ARHGAP26: variants seen among roughly 807,000 people sequenced by gnomAD.
ARHGAP26 encodes Rho GTPase activating protein 26.
ARHGAP26 carries 38 observed loss-of-function variants against 104.8 expected under a neutral mutation model. The ratio of observed to expected loss-of-function variants is 0.36; its 90% CI spans 0.28 to 0.48. The LOEUF (loss-of-function observed/expected upper bound fraction) is 0.48, where lower values mean the gene tolerates loss of function less well. Among genes scored for constraint, ARHGAP26 ranks in the 20% least tolerant of loss-of-function variants. The probability of loss-of-function intolerance (pLI) is 0.99; values close to 1 mark genes in which losing one functional copy is unlikely to be tolerated. For missense variants in ARHGAP26, 704 were observed against 947.9 expected (o/e 0.74, Z 3.38); for synonymous variants, 341 against 340.0 (o/e 1.00, Z -0.03).
At chr5:143,141,533 G>C (rs1364625521) in intron 19 of ARHGAP26, among the ~76,000 whole-genome samples, 1 of 152,042 alleles carries the variant, frequency 6.6e-6, no homozygotes, top group Non-Finnish European at 1.5e-5. Flanking sequence ...ATATTCACTT[G>C]GTTTTAAGTT....
rs958391429 is a variant in ARHGAP26 at position 143,228,237 on chromosome 5, A to ATG, written c.*5801_*5802dup. ...CATCTGTTGATTCTAAAGTATATTT[A>ATG]TGTGTGTGTGTATGTGTGTGTATAC... On this transcript the variant is annotated 3_prime_UTR_variant, in exon 23 of 23. Coordinates refer to ENST00000645722, the MANE Select transcript of ARHGAP26 (RefSeq NM_001135608.3). 4 of 224,166 alleles carry ATG rather than the reference A, an allele frequency of 1.8e-5. No individual in the cohort carries two copies. Among genetic ancestry groups the ATG allele is most frequent in the Non-Finnish European group, 2.7e-5 (3 of 112,496 alleles). 13.9% of individuals were successfully genotyped at this position (224,166 alleles called of 1,614,324 possible).
intron 22 of ARHGAP26, among the ~76,000 whole-genome samples, chr5:143,218,049 G>A (rs1003927): frequency 0.29 from 43,996 of 152,030 alleles, 6,696 homozygotes; most frequent in South Asian, 0.41. Flanking sequence ...ACTATGACCT[G>A]CCAGTCAAAT....
intron 1 of ARHGAP26, among the ~76,000 whole-genome samples, chr5:142,774,934 G>A: frequency 6.6e-6 from 1 of 151,798 alleles, no homozygotes; most frequent in Middle Eastern, 3.2e-3. Flanking sequence ...TTTTATTGCT[G>A]AATAATATTC....
intron 1 of ARHGAP26, among the ~76,000 whole-genome samples, chr5:142,804,284 C>T (rs1023816116): frequency 6.6e-6 from 1 of 152,168 alleles, no homozygotes; most frequent in East Asian, 1.9e-4. Context: ...AAATAACTTG[C>T]TATTCCGTAA....
intron 17 of ARHGAP26, among the ~76,000 whole-genome samples, chr5:143,101,499 G>C (rs1212845711): frequency 6.6e-6 from 1 of 151,886 alleles, no homozygotes; most frequent in East Asian, 1.9e-4. Context: ...TAGCTCTTTG[G>C]GGGTGACTCC....
chr5:142,908,928 A>T (rs74853574), intron 9 of ARHGAP26: 1 of 166,944 alleles, frequency 6.0e-6, no homozygotes, highest in Non-Finnish European at 1.5e-5. Flanking sequence ...ATGCATTTCT[A>T]TGGAGGTGAC....
At chr5:143,159,879 G>A (rs183166791) in intron 20 of ARHGAP26, among the ~76,000 whole-genome samples, 1 of 151,986 alleles carries the variant, frequency 6.6e-6, no homozygotes, top group East Asian at 1.9e-4. Context: ...TGTGGCGGAA[G>A]GAACACTGCC....
At chr5:143,199,684 G>A (rs1807410229) in intron 20 of ARHGAP26, among the ~76,000 whole-genome samples, 1 of 152,198 alleles carries the variant, frequency 6.6e-6, no homozygotes, top group Non-Finnish European at 1.5e-5. Flanking sequence ...GGTGATCCGA[G>A]GCTCAGCCCA....
At chr5:142,933,208 T>C (rs1764962033) in intron 11 of ARHGAP26, among the ~76,000 whole-genome samples, 1 of 152,234 alleles carries the variant, frequency 6.6e-6, no homozygotes, top group Admixed American at 6.5e-5. Context: ...TCAAAGGCCT[T>C]TGAAAGAAGC....
chr5:142,923,948 G>GC (rs948247581), intron 10 of ARHGAP26, among the ~76,000 whole-genome samples: 2 of 134,252 alleles, frequency 1.5e-5, no homozygotes, highest in African/African-American at 5.6e-5. Flanking sequence ...TGCAAGCTCC[G>GC]CCCCCCGGGT....
chr5:143,101,468 A>G (rs1793219700), intron 17 of ARHGAP26, among the ~76,000 whole-genome samples: 1 of 152,034 alleles, frequency 6.6e-6, no homozygotes, highest in South Asian at 2.1e-4. Context: ...GGTTTTTATT[A>G]ACAAAAGGTG....
intron 10 of ARHGAP26, among the ~76,000 whole-genome samples, chr5:142,925,074 G>A (rs1207222342): frequency 7.5e-6 from 1 of 133,892 alleles, no homozygotes; most frequent in African/African-American, 3.3e-5. Flanking sequence ...TAGTGTTTGA[G>A]GCAACAGTTT....
chr5:143,068,953 C>G (rs187881616), intron 17 of ARHGAP26, among the ~76,000 whole-genome samples: 1 of 152,328 alleles, frequency 6.6e-6, no homozygotes, highest in African/African-American at 2.4e-5. Flanking sequence ...ACTCTCTCCT[C>G]CTTGATAAGC....
At chr5:142,867,025 C>T (rs924125075) in intron 1 of ARHGAP26, 1 of 152,202 alleles carries the variant, frequency 6.6e-6, no homozygotes, top group Admixed American at 6.5e-5. Context: ...GAAGCCAGGG[C>T]CCCTCTCTCA....
intron 12 of ARHGAP26, among the ~76,000 whole-genome samples, chr5:143,024,217 C>T (rs775573029): frequency 2.0e-5 from 3 of 152,120 alleles, no homozygotes; most frequent in Non-Finnish European, 4.4e-5. Flanking sequence ...TTTGATGAGA[C>T]CCTGGCCCCC....
At chr5:143,042,266 A>C (rs1301879639) in intron 14 of ARHGAP26, among the ~76,000 whole-genome samples, 1 of 152,174 alleles carries the variant, frequency 6.6e-6, no homozygotes, top group Non-Finnish European at 1.5e-5. Flanking sequence ...CCCAATGCCC[A>C]AGGAAAGGCA....
chr5:142,954,468 C>T (rs914542096), intron 11 of ARHGAP26, among the ~76,000 whole-genome samples: 3 of 152,234 alleles, frequency 2.0e-5, no homozygotes, highest in Admixed American at 1.3e-4. Context: ...AACCTCAACT[C>T]TTCTGGAGTC....
intron 11 of ARHGAP26, among the ~76,000 whole-genome samples, chr5:142,994,272 A>G (rs947192816): frequency 7.2e-5 from 11 of 152,260 alleles, no homozygotes; most frequent in African/African-American, 2.7e-4. Flanking sequence ...TTCCTTGGCA[A>G]GAAATATGGC....
At chr5:142,853,487 A>G (rs1477167835) in intron 1 of ARHGAP26, among the ~76,000 whole-genome samples, 1 of 152,178 alleles carries the variant, frequency 6.6e-6, no homozygotes, top group Admixed American at 6.5e-5. Flanking sequence ...CACTATGCCC[A>G]GCCTAGCTTA....
Sources: gnomAD v4.1 joint callset for allele counts (sites outside exome capture counted in the v4.1 genomes callset) on GRCh38, gnomAD v4.1.1 for gene constraint, MANE v1.5 for transcripts, NCBI Gene and HGNC (gene_info 2026-07-23, HGNC 2026-07-21) for gene names.